LAMB1: variants seen among roughly 807,000 people sequenced by gnomAD.
LAMB1 encodes laminin subunit beta-1.
Under a neutral mutation model 222.3 loss-of-function variants are expected in LAMB1, and 121 were observed. The observed-to-expected ratio is 0.54, with a 90% confidence interval of 0.47 to 0.63. The LOEUF is 0.63. LAMB1 is among the 30% of genes least tolerant of loss of function. The pLI, the probability that LAMB1 is intolerant of heterozygous loss-of-function variation, is 0.00. For synonymous variants in LAMB1, 794 were observed against 807.2 expected (o/e 0.98, Z 0.28); for missense variants, 2,172 against 2,240.8 (o/e 0.97, Z 0.62).
chr7:107,948,177 G>A (rs867711360), intron 24 of LAMB1, among the ~76,000 whole-genome samples: 1 of 152,032 alleles, frequency 6.6e-6, no homozygotes, highest in Non-Finnish European at 1.5e-5. Context: ...AGTAGAGATG[G>A]GGTTTCACCA....
chr7:107,930,813 C>T (rs5015602), intron 29 of LAMB1, among the ~76,000 whole-genome samples: 1 of 152,120 alleles, frequency 6.6e-6, no homozygotes, highest in African/African-American at 2.4e-5. Context: ...GTATGTGGGT[C>T]GCAGACCCAG....
rs918789590 is a variant in LAMB1 at position 107,986,303 on chromosome 7, C to G, written c.484G>C (p.Val162Leu). 6.8e-6 allele frequency: 11 copies of G among 1,612,976 alleles called. No individual in the cohort carries two copies. In the African/African-American group the frequency reaches 1.5e-4, roughly 22 times the overall value. ...RSSDFGKTWG[V>L]YRYFAYDCEA... ...CAGTCATAGGCGAAGTATCTATACA[C>G]ACCCCAGGTTTTCCCAAAGTCGGAC... The change falls in exon 6 of 34, where the codon GTG becomes CTG. Residue 162 changes from valine to leucine, a missense_variant. By Grantham distance (32) the Val-to-Leu change is conservative. Coordinates refer to ENST00000222399, the MANE Select transcript of LAMB1 (RefSeq NM_002291.3).
rs1443902635 is a variant in LAMB1, at chr7:107,959,804, C to A, written c.2345G>T (p.Ser782Ile). 6.2e-7 allele frequency: 1 copy of A among 1,613,804 alleles called. No homozygotes were observed. The highest frequency in any genetic ancestry group is 8.5e-7 in the Non-Finnish European group (1 of 1,179,894). ...ACECDPQGSL[S>I]SVCDPNGGQC... ...GCCTCCGTTGGGATCACACACGGAA[C>A]TTAACGAACCCTGAGGGTCGCATTC... Residue 782 changes from serine (S) to isoleucine (I), a missense_variant, in exon 19 of 34, where the codon AGT becomes ATT. Ser to Ile is a moderately radical substitution (Grantham distance 142). Transcript: ENST00000222399.
intron 21 of LAMB1, among the ~76,000 whole-genome samples, chr7:107,954,704 T>TG (rs1380293851): frequency 1.3e-5 from 2 of 152,130 alleles, no homozygotes; most frequent in African/African-American, 4.8e-5. Flanking sequence ...GGCTGGAGAA[T>TG]GGCGTGAACC....
chr7:107,989,211 G>A (rs947730807), intron 5 of LAMB1, among the ~76,000 whole-genome samples: 2 of 152,190 alleles, frequency 1.3e-5, no homozygotes, highest in Non-Finnish European at 2.9e-5. Flanking sequence ...GAAGCAGAAA[G>A]AGCGCTGAAA....
chr7:107,939,318 T>C (rs1197013272), intron 25 of LAMB1, among the ~76,000 whole-genome samples: 1 of 152,064 alleles, frequency 6.6e-6, no homozygotes, highest in African/African-American at 2.4e-5. Flanking sequence ...TAACAAACAC[T>C]GTCCAATCAG....
chr7:107,937,359 T>A, intron 25 of LAMB1, 82 bp from the exon 26 acceptor site: 1 of 1,015,036 alleles, frequency 9.9e-7, no homozygotes, highest in Non-Finnish European at 1.5e-6. Context: ...ACTAGTACTG[T>A]ATCCATTACT....
Position 107,974,839 on chromosome 7 carries a change from T to C in LAMB1, c.1482+147A>G, listed in dbSNP as rs2033819208. ...AACATCTTGTGAAATCATCCATTAG[T>C]AATTCCTATTGTGTGCATTGTCTAC... On this transcript the variant is annotated intron_variant, in intron 12 of 33. Coordinates refer to ENST00000222399, the MANE Select transcript of LAMB1 (RefSeq NM_002291.3). 5.4e-6 allele frequency: 3 copies of C among 557,518 alleles called. No individual in the cohort carries two copies. The East Asian group carries it at 8.3e-5, about 15-fold the overall frequency. The allele number at this position is 557,518 out of a possible 1,614,324, so 34.5% of individuals were successfully genotyped here. A position where few individuals can be genotyped will look rare whatever the true frequency, so the allele number is the denominator to read the frequency against.
At chr7:107,947,120 C>CCAG (rs756965659) in intron 24 of LAMB1, among the ~76,000 whole-genome samples, 1 of 152,162 alleles carries the variant, frequency 6.6e-6, no homozygotes, top group Non-Finnish European at 1.5e-5. Flanking sequence ...CCTCTCCATC[C>CCAG]CAGCACAGTG....
chr7:107,953,581 GAC>G lies in LAMB1; in HGVS notation c.3026_3027del (p.Cys1009SerfsTer10). Reference protein sequence around the residue: ...KCLYHTEGEHCQFCRFGYYGD... With the variant: ...KCLYHTEGEHXQFCRFGYYGD... ...CCATAGTATCCAAACCGGCAGAACT[GAC>G]AGTGTTCCCCTTCCGTGTGGTACAG... On this transcript the variant is annotated frameshift_variant, in exon 22 of 34. Transcript: ENST00000222399. LOFTEE classifies it high-confidence loss of function. 1.2e-6 allele frequency: 2 copies of G among 1,614,210 alleles called. No individual in the cohort carries two copies. The highest frequency in any genetic ancestry group is 1.1e-5 in the South Asian group (1 of 91,080).
intron 24 of LAMB1, 135 bp from the exon 25 acceptor site, chr7:107,940,493 G>C (rs549659794): frequency 3.4e-6 from 3 of 893,150 alleles, no homozygotes; most frequent in Admixed American, 2.6e-5. Context: ...CAATGGCTCA[G>C]GTAGAGACTG....
chr7:107,954,209 C>T (rs2033325776), intron 21 of LAMB1, among the ~76,000 whole-genome samples: 1 of 152,100 alleles, frequency 6.6e-6, no homozygotes, highest in African/African-American at 2.4e-5. Context: ...GGTTGGAATG[C>T]AGTGACATGA....
intron 24 of LAMB1, among the ~76,000 whole-genome samples, chr7:107,941,138 C>A (rs551222528): frequency 6.6e-6 from 1 of 152,302 alleles, no homozygotes; most frequent in East Asian, 1.9e-4. Flanking sequence ...GCACCTCATG[C>A]AAAGCCAAAT....
At chr7:107,931,988 T>C (rs2032722035) in intron 28 of LAMB1, among the ~76,000 whole-genome samples, 186 bp downstream of exon 28, 1 of 152,244 alleles carries the variant, frequency 6.6e-6, no homozygotes, top group South Asian at 2.1e-4. Flanking sequence ...GCAAATTCTT[T>C]ATCTGTGAAG....
chr7:108,002,148 C>T, intron 2 of LAMB1: 1 of 1,452,058 alleles, frequency 6.9e-7, no homozygotes, highest in Non-Finnish European at 9.2e-7. Context: ...AACCCGCGTG[C>T]ACGCGGCAGC....
chr7:107,940,248 C>G lies in LAMB1; in HGVS notation c.3502G>C (p.Gly1168Arg). 6.2e-7 allele frequency: 1 copy of G among 1,614,240 alleles called. No individual in the cohort carries two copies. The highest frequency in any genetic ancestry group is 2.2e-5 in the East Asian group (1 of 44,888). Residue 1168 changes from glycine to arginine, a missense_variant, in exon 25 of 34, where the codon GGG (glycine) becomes CGG (arginine). By Grantham distance (125) the Gly-to-Arg change is moderately radical. Coordinates refer to ENST00000222399, the MANE Select transcript of LAMB1 (RefSeq NM_002291.3). Reference protein sequence around the residue: ...EGPRCDKCTRGYSGVFPDCTP... With the variant: ...EGPRCDKCTRRYSGVFPDCTP... ...CAGTCAGGGAAGACCCCCGAGTACCCTCGCGTGCACTTGTCACAGCGTGGA... is the reference window on the plus strand; with the variant it reads ...CAGTCAGGGAAGACCCCCGAGTACCGTCGCGTGCACTTGTCACAGCGTGGA...
Position 107,978,156 on chromosome 7 carries a change from G to C in LAMB1, c.891C>G (p.His297Gln). The change falls in exon 9 of 34, where the codon CAC becomes CAG. Residue 297 changes from histidine (H) to glutamine (Q), a missense_variant. By Grantham distance (24) the His-to-Gln change is conservative. Coordinates refer to ENST00000222399, the MANE Select transcript of LAMB1 (RefSeq NM_002291.3). ...CCTTGGTGTTATGCCTGCACATGCA[G>C]TGTCCGTGAACCTTGAAAGTTATAA... ...NEEVEGMVHGHCMCRHNTKGL... is the reference protein window; with the variant it reads ...NEEVEGMVHGQCMCRHNTKGL... 1.2e-6 allele frequency: 2 copies of C among 1,614,126 alleles called. No homozygotes were observed. Among genetic ancestry groups the C allele is most frequent in the Non-Finnish European group, 1.7e-6 (2 of 1,179,962 alleles).
At chr7:107,944,504 G>A (rs1381110768) in intron 24 of LAMB1, among the ~76,000 whole-genome samples, 1 of 152,160 alleles carries the variant, frequency 6.6e-6, no homozygotes, top group Non-Finnish European at 1.5e-5. Context: ...CCGGATTGCA[G>A]TGTCATTATT....
At chr7:107,954,120 T>G (rs568344460) in intron 21 of LAMB1, among the ~76,000 whole-genome samples, 1 of 152,070 alleles carries the variant, frequency 6.6e-6, no homozygotes, top group Non-Finnish European at 1.5e-5. Context: ...AAACTAACAA[T>G]GTAAAGCATA....
Sources: allele counts gnomAD v4.1 joint callset (sites outside exome capture counted in the v4.1 genomes callset), GRCh38; gene constraint gnomAD v4.1.1; transcripts MANE v1.5; gene names NCBI Gene and HGNC (gene_info 2026-07-23, HGNC 2026-07-21).